Variants in EYS observed in about 807,000 individuals in gnomAD.
EYS encodes the protein EGF-like photoreceptor maintenance factor.
EYS carries 250 observed loss-of-function variants against 282.1 expected under a neutral mutation model. The observed-to-expected ratio is 0.89, with a 90% confidence interval of 0.80 to 0.98. EYS has a LOEUF of 0.98. Ranked by LOEUF, EYS falls within the 50% of genes least tolerant of loss-of-function variation. The pLI, the probability that EYS is intolerant of heterozygous loss-of-function variation, is 0.00. For missense variants in EYS, 4,016 were observed against 3,709.0 expected, an observed-to-expected ratio of 1.08 and a Z score of -2.15; for synonymous variants, 1,355 against 1,282.9, an observed-to-expected ratio of 1.06 and a Z score of -1.20.
chr6:65,086,923 A>G (rs2150175034), intron 12 of EYS, among the ~76,000 whole-genome samples: 1 of 152,060 alleles, frequency 6.6e-6, no homozygotes, highest in South Asian at 2.1e-4. Context: ...CCCAGGTTCA[A>G]GTGATTCTCC....
intron 30 of EYS, among the ~76,000 whole-genome samples, chr6:64,234,972 G>C (rs953723931): frequency 2.6e-5 from 4 of 151,688 alleles, no homozygotes; most frequent in African/African-American, 9.7e-5. Flanking sequence ...CCGCCTCCCG[G>C]GTTCAAGCGA....
intron 7 of EYS, among the ~76,000 whole-genome samples, chr6:65,385,447 T>C (rs1229291030): frequency 1.3e-5 from 2 of 151,982 alleles, no homozygotes; most frequent in Non-Finnish European, 2.9e-5. Context: ...CATTTTCATC[T>C]TGCAGAATTA....
chr6:65,167,008 C>A (rs376346173), intron 12 of EYS, among the ~76,000 whole-genome samples: 2 of 151,212 alleles, frequency 1.3e-5, no homozygotes, highest in East Asian at 2.0e-4. Context: ...CCTTCACACC[C>A]ACTAGGATGA....
intron 36 of EYS, among the ~76,000 whole-genome samples, chr6:63,835,193 A>G (rs2149694169): frequency 6.6e-6 from 1 of 152,008 alleles, no homozygotes; most frequent in South Asian, 2.1e-4. Context: ...CTAGAACTTA[A>G]AGTATAATAA....
chr6:64,478,498 T>C (rs1399549354), intron 26 of EYS, among the ~76,000 whole-genome samples: 1 of 151,540 alleles, frequency 6.6e-6, no homozygotes. Context: ...TTTGTCATAA[T>C]TTTTTCATAA....
At chr6:65,331,324 A>T in intron 11 of EYS, 1 of 699,816 alleles carries the variant, frequency 1.4e-6, no homozygotes, top group Non-Finnish European at 1.8e-6. Context: ...TCTCTTTTTC[A>T]TTGAGCTTAG....
At chr6:64,382,334 G>GTGT (rs961549243) in intron 29 of EYS, among the ~76,000 whole-genome samples, 7 of 152,086 alleles carry the variant, frequency 4.6e-5, no homozygotes. Context: ...ATGAATGTAA[G>GTGT]TGTTAACTTG....
chr6:65,543,116 T>C (rs1768235360), intron 2 of EYS, among the ~76,000 whole-genome samples: 1 of 152,094 alleles, frequency 6.6e-6, no homozygotes, highest in Non-Finnish European at 1.5e-5. Context: ...CCCCCCAGGC[T>C]CAAGTGATTC....
chr6:64,155,327 C>T (rs1170275997), intron 31 of EYS, among the ~76,000 whole-genome samples: 1 of 149,838 alleles, frequency 6.7e-6, no homozygotes, highest in Non-Finnish European at 1.5e-5. Context: ...CCAACCAGCA[C>T]AGCATAGCAG....
At chr6:65,618,464 G>A (rs1315623522) in intron 2 of EYS, among the ~76,000 whole-genome samples, 1 of 152,242 alleles carries the variant, frequency 6.6e-6, no homozygotes, top group Non-Finnish European at 1.5e-5. Context: ...CCCTTTGTCA[G>A]ATGAGTAGGT....
chr6:65,531,213 T>C (rs1767757573), intron 2 of EYS, among the ~76,000 whole-genome samples: 1 of 152,076 alleles, frequency 6.6e-6, no homozygotes, highest in Non-Finnish European at 1.5e-5. Context: ...TTATAGAAAT[T>C]AATGTTCTCC....
chr6:64,110,665 T>A (rs1397859690), intron 31 of EYS, among the ~76,000 whole-genome samples: 1 of 151,950 alleles, frequency 6.6e-6, no homozygotes, highest in Non-Finnish European at 1.5e-5. Context: ...TATGCCACAT[T>A]TTTATTTTAG....
chr6:63,889,895 C>T (rs941743071), intron 35 of EYS, among the ~76,000 whole-genome samples: 3 of 151,652 alleles, frequency 2.0e-5, no homozygotes, highest in African/African-American at 7.3e-5. Flanking sequence ...TACAAAGTCA[C>T]ACATAGGCTC....
chr6:63,956,717 T>C lies in EYS; in HGVS notation c.7055+27666A>G, dbSNP rs79819574. 1.7e-3 allele frequency among the ~76,000 whole-genome samples: 259 copies of C among 152,292 alleles called. 3 individuals are homozygous for C. The East Asian group carries it at 0.042, about 25-fold the overall frequency. On this transcript the variant is annotated intron_variant, in intron 35 of 42. Coordinates refer to ENST00000503581, the MANE Select transcript of EYS (RefSeq NM_001142800.2). ...ATTACCATATTCATCTTCCATAGCC[T>C]CCTTATCTGCAAAACTTGCCTTGTC... is the stretch of plus-strand genomic sequence containing the variant.
chr6:65,252,237 T>C (rs1232352455), intron 12 of EYS, among the ~76,000 whole-genome samples: 1 of 151,922 alleles, frequency 6.6e-6, no homozygotes, highest in Non-Finnish European at 1.5e-5. Context: ...ATCACATTTT[T>C]AATAAACTCC....
chr6:64,513,603 C>T (rs1055005537), intron 26 of EYS, among the ~76,000 whole-genome samples: 1 of 151,748 alleles, frequency 6.6e-6, no homozygotes, highest in East Asian at 1.9e-4. Context: ...AAGAAAATTC[C>T]TCATGCCAAG....
chr6:65,117,561 C>A (rs1443088152), intron 12 of EYS, among the ~76,000 whole-genome samples: 1 of 152,154 alleles, frequency 6.6e-6, no homozygotes, highest in Non-Finnish European at 1.5e-5. Context: ...TCCCTCCTCA[C>A]ATGAACCACA....
rs149295262 is a variant in EYS, at chr6:64,007,674, C to A, written c.6726-8491G>T. Among the ~76,000 whole-genome samples, 222 of 152,110 alleles carry A rather than the reference C, an allele frequency of 1.5e-3. 1 individual carries two copies. The highest frequency in any genetic ancestry group is 5.1e-3 in the African/African-American group (212 of 41,490). On this transcript the variant is annotated intron_variant, in intron 33 of 42. Coordinates refer to ENST00000503581, the MANE Select transcript of EYS (RefSeq NM_001142800.2). ...CTGCTTTAGCTGTGCCCCAGGAATT[C>A]TTGTATGTTGTATCTTTATTCATAT...
rs373984937 is a variant in EYS, at chr6:63,891,917, A to G, written c.7056-27559T>C. Among the ~76,000 whole-genome samples, 10 of 152,336 alleles carry G rather than the reference A, an allele frequency of 6.6e-5. No individual in the cohort carries two copies. The East Asian group carries it at 1.3e-3, about 21-fold the overall frequency. On this transcript the variant is annotated intron_variant, in intron 35 of 42. Transcript: ENST00000503581. ...ACAAAATCAATGTGTAAAAATCACAAGCATTCCTATACACCAATAATAGAC... is the reference window on the plus strand; with the variant it reads ...ACAAAATCAATGTGTAAAAATCACAGGCATTCCTATACACCAATAATAGAC...
Sources: allele counts gnomAD v4.1 joint callset (sites outside exome capture counted in the v4.1 genomes callset), GRCh38; gene constraint gnomAD v4.1.1; transcripts MANE v1.5; gene names NCBI Gene and HGNC (gene_info 2026-07-23, HGNC 2026-07-21).